NOX4: variants seen among roughly 807,000 people sequenced by gnomAD.
The protein encoded by NOX4 is kidney oxidase-1.
A neutral mutation model predicts 87.6 loss-of-function variants in NOX4; 69 were observed. That is an observed-to-expected ratio of 0.79 (90% CI 0.65 to 0.96). The LOEUF (loss-of-function observed/expected upper bound fraction) is 0.96, where lower values mean the gene tolerates loss of function less well. NOX4 is among the 40% of genes least tolerant of loss of function. The pLI is 0.00. For synonymous variants in NOX4, 275 were observed against 238.2 expected (o/e 1.15, Z -1.42); for missense variants, 680 against 681.5 (o/e 1.00, Z 0.02).
intron 7 of NOX4, among the ~76,000 whole-genome samples, chr11:89,431,728 C>T (rs374060381): frequency 7.6e-4 from 115 of 152,168 alleles, no homozygotes; most frequent in African/African-American, 1.7e-3. Flanking sequence ...TGTGGAGAAA[C>T]AGGAACACTT....
At chr11:89,387,397 G>A (rs781069005) in intron 11 of NOX4, among the ~76,000 whole-genome samples, 4 of 151,812 alleles carry the variant, frequency 2.6e-5, no homozygotes, top group Non-Finnish European at 5.9e-5. Context: ...ACCTTTGACT[G>A]TAATTTTCCA....
chr11:89,449,527 A>T lies in NOX4; in HGVS notation c.265-3T>A. On this transcript the variant is annotated splice_region_variant and splice_polypyrimidine_tract_variant and intron_variant, in intron 3 of 17. Coordinates refer to ENST00000263317, the MANE Select transcript of NOX4 (RefSeq NM_016931.5). Reference sequence around the variant, plus strand: ...CTCCTGGTTCTCCTGCTTGGAACCTAAACAAAAATCATTTAATATGGTAAA... The same window carrying T: ...CTCCTGGTTCTCCTGCTTGGAACCTTAACAAAAATCATTTAATATGGTAAA... 1.2e-6 allele frequency: 2 copies of T among 1,606,096 alleles called. No homozygotes were observed. The highest frequency in any genetic ancestry group is 1.7e-6 in the Non-Finnish European group (2 of 1,173,838).
intron 2 of NOX4, 36 bp downstream of exon 2, chr11:89,490,422 C>T (rs1345622827): frequency 7.1e-7 from 1 of 1,407,290 alleles, no homozygotes; most frequent in Admixed American, 1.7e-5. Flanking sequence ...AGTGTTAAAC[C>T]CATTCCACCA....
intron 8 of NOX4, among the ~76,000 whole-genome samples, chr11:89,416,025 C>T (rs1384431842): frequency 2.0e-5 from 3 of 152,222 alleles, no homozygotes; most frequent in African/African-American, 7.2e-5. Context: ...CCTTTTGTGG[C>T]TCTAGCTCAA....
chr11:89,525,611 G>A, the NOX4 span, among the ~76,000 whole-genome samples: 1 of 151,914 alleles, frequency 6.6e-6, no homozygotes, highest in Non-Finnish European at 1.5e-5. Flanking sequence ...ATGTATTGTG[G>A]ATAAAGGTTA....
At chr11:89,451,617 T>C (rs1474131064) in intron 3 of NOX4, among the ~76,000 whole-genome samples, 168 bp downstream of exon 3, 6 of 152,182 alleles carry the variant, frequency 3.9e-5, no homozygotes, top group African/African-American at 1.2e-4. Flanking sequence ...TTATCTGGTA[T>C]TGCAGAATAA....
the NOX4 span, among the ~76,000 whole-genome samples, chr11:89,521,380 C>A: frequency 2.0e-5 from 3 of 151,982 alleles, no homozygotes; most frequent in Non-Finnish European, 4.4e-5. Context: ...TAAAGCCACC[C>A]ACCTATAGCC....
chr11:89,424,834 T>C (rs1164246355), intron 7 of NOX4, among the ~76,000 whole-genome samples: 1 of 152,190 alleles, frequency 6.6e-6, no homozygotes, highest in Admixed American at 6.5e-5. Flanking sequence ...TTCACTTGAT[T>C]TGTCTAGTGC....
At chr11:89,508,943 A>AT in the NOX4 span, among the ~76,000 whole-genome samples, 3 of 151,930 alleles carry the variant, frequency 2.0e-5, no homozygotes, top group East Asian at 3.9e-4. Flanking sequence ...CAGCACAGAG[A>AT]TTTTTTTTAA....
chr11:89,570,525 T>G, the NOX4 span, among the ~76,000 whole-genome samples: 1 of 152,156 alleles, frequency 6.6e-6, no homozygotes, highest in East Asian at 1.9e-4. Context: ...AAAAGTGATT[T>G]TCAATATATA....
rs563289199 is a variant in NOX4, at chr11:89,470,767, C to G, written c.154-18872G>C. ...CTTATATTCCAAGTCAGTAAACAGG[C>G]CTAACTGATGATACCATTAGGCTAC... On this transcript the variant is annotated intron_variant, in intron 2 of 17. Transcript: ENST00000263317. Among the ~76,000 whole-genome samples the G allele has an allele frequency of 2.0e-4, 31 of 152,210 alleles. 1 individual carries two copies. The South Asian group carries it at 6.0e-3, about 29-fold the overall frequency.
rs754140622 is a variant in NOX4, at chr11:89,451,736, A to G, written c.264+49T>C. The G allele has an allele frequency of 8.8e-6, 11 of 1,256,560 alleles. No homozygotes were observed. The South Asian group carries it at 1.3e-4, about 15-fold the overall frequency. 77.8% of individuals were successfully genotyped at this position (1,256,560 alleles called of 1,614,324 possible). A position where few individuals can be genotyped will look rare whatever the true frequency, so the allele number is the denominator to read the frequency against. On this transcript the variant is annotated intron_variant, in intron 3 of 17. Coordinates refer to ENST00000263317, the MANE Select transcript of NOX4 (RefSeq NM_016931.5). ...GTAAACAAACTAACATGCGACTGTT[A>G]CACTTGATTTTTATGCTGGAATTTG...
the NOX4 span, among the ~76,000 whole-genome samples, chr11:89,525,637 T>C: frequency 3.7e-4 from 56 of 152,222 alleles, no homozygotes; most frequent in African/African-American, 1.0e-3. Context: ...CAGATATATA[T>C]GTTTTATAAA....
intron 2 of NOX4, among the ~76,000 whole-genome samples, chr11:89,480,197 CA>C (rs1946334350): frequency 1.3e-5 from 2 of 152,164 alleles, no homozygotes; most frequent in African/African-American, 4.8e-5. Context: ...CTTCAACAGT[CA>C]CACTGCAAAG....
chr11:89,491,302 G>GCT lies in NOX4; in HGVS notation c.-57_-56insAG. The GCT allele has an allele frequency of 6.6e-7, 1 of 1,524,046 alleles. No homozygotes were observed. The highest frequency in any genetic ancestry group is 1.2e-5 in the South Asian group (1 of 84,836). 94.4% of individuals were successfully genotyped at this position (1,524,046 alleles called of 1,614,324 possible). A position where few individuals can be genotyped will look rare whatever the true frequency, so the allele number is the denominator to read the frequency against. On this transcript the variant is annotated 5_prime_UTR_variant, in exon 1 of 18. Transcript: ENST00000263317. ...CCCGCCGGACCGAGAAGGAGCGGGC[G>GCT]GCGGCCGGGGCAGCGGTTACAGTTG...
rs1256373360 is a variant in NOX4, at chr11:89,488,036, CAG to C, written c.153+2420_153+2421del. Among the ~76,000 whole-genome samples the C allele has an allele frequency of 5.3e-5, 8 of 151,946 alleles. No homozygotes were observed. The East Asian group carries it at 1.5e-3, about 29-fold the overall frequency. ...AAATTAATGACTGGAAAATTCATAA[CAG>C]ATAATTACTGAGAAGTTTATAAGTC... On this transcript the variant is annotated intron_variant, in intron 2 of 17. Coordinates refer to ENST00000263317, the MANE Select transcript of NOX4 (RefSeq NM_016931.5).
At chr11:89,520,700 C>A in the NOX4 span, among the ~76,000 whole-genome samples, 2 of 152,040 alleles carry the variant, frequency 1.3e-5, no homozygotes, top group African/African-American at 4.8e-5. Context: ...CTAGCTAGAG[C>A]AATCAGGCAA....
intron 7 of NOX4, among the ~76,000 whole-genome samples, chr11:89,430,873 C>G (rs542404450): frequency 6.6e-6 from 1 of 152,166 alleles, no homozygotes; most frequent in East Asian, 1.9e-4. Flanking sequence ...TCATATGGAA[C>G]CAAAAAAGAG....
the NOX4 span, among the ~76,000 whole-genome samples, chr11:89,550,565 CAT>C: frequency 1.8e-4 from 28 of 152,202 alleles, no homozygotes; most frequent in African/African-American, 6.0e-4. Context: ...AGCTTTTTTT[CAT>C]ATGTTTCTTG....
Sources: gnomAD v4.1 joint callset for allele counts (sites outside exome capture counted in the v4.1 genomes callset) on GRCh38, gnomAD v4.1.1 for gene constraint, MANE v1.5 for transcripts, NCBI Gene and HGNC (gene_info 2026-07-23, HGNC 2026-07-21) for gene names.